The following MYO5B variants were observed in gnomAD, a reference collection of about 807,000 sequenced individuals.
MYO5B encodes the protein unconventional myosin-Vb.
MYO5B carries 143 observed loss-of-function variants against 229.3 expected under a neutral mutation model. The observed-to-expected ratio is 0.62, with a 90% CI of 0.54 to 0.72. The LOEUF is 0.72. Ranked by LOEUF, MYO5B falls within the 30% of genes least tolerant of loss-of-function variation. The pLI is 0.00. For synonymous variants in MYO5B, 918 were observed against 885.2 expected, an observed-to-expected ratio of 1.04 and a Z score of -0.66; for missense variants, 2,321 against 2,331.0, an observed-to-expected ratio of 1.00 and a Z score of 0.09.
intron 1 of MYO5B, among the ~76,000 whole-genome samples, chr18:50,104,167 T>TAAAAAAAAAAA (rs144294604): frequency 0.73 from 95,622 of 131,018 alleles, 36,942 homozygotes; most frequent in Admixed American, 0.83. Context: ...ACTTGTCTAT[T>TAAAAAAAAAAA]AAAAAGAAAA....
intron 1 of MYO5B, among the ~76,000 whole-genome samples, chr18:50,138,946 C>T (rs994169218): frequency 6.6e-6 from 1 of 152,238 alleles, no homozygotes; most frequent in African/African-American, 2.4e-5. Flanking sequence ...CTGCAACTCT[C>T]TCACCCTCAA....
At chr18:50,045,614 G>C (rs1227080534) in intron 2 of MYO5B, among the ~76,000 whole-genome samples, 1 of 152,174 alleles carries the variant, frequency 6.6e-6, no homozygotes, top group Non-Finnish European at 1.5e-5. Context: ...GGCTGGCCTA[G>C]AACTGCCCAG....
chr18:50,158,922 G>A (rs1028549968), intron 1 of MYO5B, among the ~76,000 whole-genome samples: 4 of 152,090 alleles, frequency 2.6e-5, no homozygotes, highest in Admixed American at 6.6e-5. Context: ...ATGAATCTAC[G>A]CCTGTGCTAC....
intron 7 of MYO5B, among the ~76,000 whole-genome samples, chr18:49,990,186 A>C (rs1008615143): frequency 1.3e-5 from 2 of 152,220 alleles, no homozygotes; most frequent in Non-Finnish European, 2.9e-5. Context: ...AAAGACTTCC[A>C]TGCCATGCAA....
intron 19 of MYO5B, 47 bp from the exon 20 acceptor site, chr18:49,904,875 C>T (rs1481361906): frequency 4.4e-6 from 7 of 1,602,752 alleles, no homozygotes; most frequent in African/African-American, 2.7e-5. Context: ...GAGTATTGAC[C>T]GCCCTGATGC....
At chr18:50,014,354 G>C (rs2026194780) in intron 4 of MYO5B, among the ~76,000 whole-genome samples, 2 of 150,854 alleles carry the variant, frequency 1.3e-5, no homozygotes, top group Admixed American at 6.6e-5. Context: ...TAATGATAAT[G>C]CAGTGGTCTT....
At chr18:50,194,297 C>T (rs1305593741) in intron 1 of MYO5B, among the ~76,000 whole-genome samples, 2 of 152,178 alleles carry the variant, frequency 1.3e-5, no homozygotes, top group African/African-American at 4.8e-5. Flanking sequence ...GGAAAGGACG[C>T]CTCGGAGGCG....
intron 4 of MYO5B, among the ~76,000 whole-genome samples, chr18:50,001,775 G>A (rs1723007101): frequency 6.6e-6 from 1 of 151,878 alleles, no homozygotes; most frequent in Non-Finnish European, 1.5e-5. Context: ...GCTCATGCCT[G>A]TAATCCCAGC....
At chr18:49,966,151 G>A (rs2025623007) in intron 10 of MYO5B, among the ~76,000 whole-genome samples, 1 of 152,152 alleles carries the variant, frequency 6.6e-6, no homozygotes, top group Non-Finnish European at 1.5e-5. Flanking sequence ...AAGGGGCCGG[G>A]CCGGTGCCCA....
chr18:49,953,894 A>ATGTGTG lies in MYO5B; in HGVS notation c.1668+413_1668+418dup, dbSNP rs71169463. ...TGCTTTAGAATTTATATATACATAT[A>ATGTGTG]TGTGTGTGTGTGTGTGTGTGTGTGT... is the stretch of plus-strand genomic sequence containing the variant. On this transcript the variant is annotated intron_variant, in intron 13 of 39. Transcript: ENST00000285039. Among the ~76,000 whole-genome samples, 877 of 108,508 alleles carry ATGTGTG rather than the reference A, an allele frequency of 8.1e-3. 14 individuals are homozygous for ATGTGTG. The highest frequency in any genetic ancestry group is 0.017 in the African/African-American group (549 of 33,270). 71.2% of individuals were successfully genotyped at this position (108,508 alleles called of 152,430 possible).
intron 1 of MYO5B, among the ~76,000 whole-genome samples, chr18:50,057,903 G>A (rs1249037587): frequency 2.0e-5 from 3 of 152,042 alleles, no homozygotes. Flanking sequence ...TTCCATTCCT[G>A]CAACATCATC....
chr18:49,993,570 AG>A (rs2025955303), intron 5 of MYO5B, among the ~76,000 whole-genome samples: 1 of 152,188 alleles, frequency 6.6e-6, no homozygotes, highest in Non-Finnish European at 1.5e-5. Context: ...ATCTAGGTCC[AG>A]CTCTGCACCA....
intron 22 of MYO5B, among the ~76,000 whole-genome samples, chr18:49,885,728 C>T (rs2969932): frequency 0.58 from 87,963 of 151,620 alleles, 25,645 homozygotes; most frequent in Middle Eastern, 0.67. Context: ...AATGGCAACA[C>T]ACTGGAGCTA....
At chr18:49,910,161 C>T (rs2024941870) in intron 18 of MYO5B, among the ~76,000 whole-genome samples, 1 of 152,178 alleles carries the variant, frequency 6.6e-6, no homozygotes, top group South Asian at 2.1e-4. Flanking sequence ...CAGGAAAGGC[C>T]CAGTGTCCTG....
chr18:49,826,286 C>CAGT lies in MYO5B; in HGVS notation c.*182_*184dup. 1 of 695,268 alleles carries CAGT rather than the reference C, an allele frequency of 1.4e-6. No individual in the cohort carries two copies. The allele number at this position is 695,268 out of a possible 1,614,324, so 43.1% of individuals were successfully genotyped here. A position where few individuals can be genotyped will look rare whatever the true frequency, so the allele number is the denominator to read the frequency against. On this transcript the variant is annotated 3_prime_UTR_variant, in exon 40 of 40. Coordinates refer to ENST00000285039, the MANE Select transcript of MYO5B (RefSeq NM_001080467.3). Reference sequence around the variant, plus strand: ...ATATTTCAAGTGTTTTTATTCTGAGCAGTAGGTACAAAAAATAATGACATA... The same window carrying CAGT: ...ATATTTCAAGTGTTTTTATTCTGAGCAGTAGTAGGTACAAAAAATAATGACATA...
At chr18:49,841,916 C>T (rs2024062139) in intron 34 of MYO5B, among the ~76,000 whole-genome samples, 1 of 152,174 alleles carries the variant, frequency 6.6e-6, no homozygotes, top group African/African-American at 2.4e-5. Context: ...TCAGATGCAT[C>T]ATGGCTTTAA....
At chr18:49,827,054 G>A (rs1328782141) in intron 39 of MYO5B, among the ~76,000 whole-genome samples, 1 of 152,152 alleles carries the variant, frequency 6.6e-6, no homozygotes, top group East Asian at 1.9e-4. Flanking sequence ...AATGGGAGAA[G>A]AGTACATCAC....
intron 9 of MYO5B, among the ~76,000 whole-genome samples, chr18:49,980,183 A>G (rs1006035355): frequency 6.6e-6 from 1 of 152,240 alleles, no homozygotes; most frequent in Admixed American, 6.5e-5. Flanking sequence ...TGTGTACTTC[A>G]GGGTACTTGG....
intron 4 of MYO5B, among the ~76,000 whole-genome samples, chr18:50,031,020 G>T (rs1355501350): frequency 1.3e-5 from 2 of 151,532 alleles, no homozygotes; most frequent in East Asian, 3.9e-4. Flanking sequence ...AAACTGTAAG[G>T]ACAAAGATCT....
Sources: allele counts gnomAD v4.1 joint callset (sites outside exome capture counted in the v4.1 genomes callset), GRCh38; gene constraint gnomAD v4.1.1; transcripts MANE v1.5; gene names NCBI Gene and HGNC (gene_info 2026-07-23, HGNC 2026-07-21).